The following AGXT2 variants were observed in gnomAD, a reference collection of about 807,000 sequenced individuals.
AGXT2 encodes alanine--glyoxylate aminotransferase 2.
Under a neutral mutation model 62.5 loss-of-function variants are expected in AGXT2, and 61 were observed. The ratio of observed to expected loss-of-function variants is 0.98; its 90% CI spans 0.79 to 1.21. The LOEUF (loss-of-function observed/expected upper bound fraction) is 1.21. Among genes scored for constraint, AGXT2 ranks in the 50% most tolerant of loss-of-function variants. The pLI, the probability that AGXT2 is intolerant of heterozygous loss-of-function variation, is 0.00. For missense variants in AGXT2, 666 were observed against 641.5 expected (o/e 1.04, Z -0.41); for synonymous variants, 243 against 218.7 (o/e 1.11, Z -0.98).
chr5:35,036,210 G>A lies in AGXT2; in HGVS notation c.486+732C>T, dbSNP rs112231715. 3.5e-3 allele frequency among the ~76,000 whole-genome samples: 530 copies of A among 152,296 alleles called. 3 individuals are homozygous for A. Among genetic ancestry groups the A allele is most frequent in the African/African-American group, 0.012 (504 of 41,564 alleles). On this transcript the variant is annotated intron_variant, in intron 4 of 13. Transcript: ENST00000231420. Reference sequence around the variant, plus strand: ...GTGTTCATGACTCTGCTGACTCTCTGCTTCTGCTCTTCTGTGAACATCTGG... The same window carrying A: ...GTGTTCATGACTCTGCTGACTCTCTACTTCTGCTCTTCTGTGAACATCTGG...
chr5:35,046,391 G>A (rs1311977368), intron 1 of AGXT2, among the ~76,000 whole-genome samples: 3 of 152,218 alleles, frequency 2.0e-5, no homozygotes, highest in Admixed American at 6.5e-5. Flanking sequence ...AGAAACTCAT[G>A]ACCAAGGGAA....
At chr5:35,009,847 C>G (rs534642298) in intron 12 of AGXT2, among the ~76,000 whole-genome samples, 153 bp downstream of exon 12, 1 of 152,200 alleles carries the variant, frequency 6.6e-6, no homozygotes, top group Middle Eastern at 3.2e-3. Flanking sequence ...TGTTCATACT[C>G]AACACTCTCT....
chr5:35,009,627 C>T (rs757833061), intron 12 of AGXT2, among the ~76,000 whole-genome samples: 3 of 152,074 alleles, frequency 2.0e-5, no homozygotes, highest in Non-Finnish European at 2.9e-5. Flanking sequence ...TATATTTAAC[C>T]TCCTCACCCC....
At position 35,021,685 on chromosome 5, in the gene AGXT2, G is replaced by T. The variant is rs868782000; in HGVS notation, c.963+4078C>A. ...TGGGCAAGGACTTCATGTCTAAAAC[G>T]CCAAAAGCAATGGCAACAAAAGCCA... On this transcript the variant is annotated intron_variant, in intron 9 of 13. Transcript: ENST00000231420. 2.1e-3 allele frequency among the ~76,000 whole-genome samples: 323 copies of T among 150,888 alleles called. 1 individual carries two copies. The highest frequency in any genetic ancestry group is 3.9e-3 in the Non-Finnish European group (266 of 67,682).
At position 35,039,319 on chromosome 5, in the gene AGXT2, C is replaced by T. The variant is rs777887516; in HGVS notation, c.362+5G>A. The T allele has an allele frequency of 6.2e-7, 1 of 1,613,740 alleles. No individual in the cohort carries two copies. Among genetic ancestry groups the T allele is most frequent in the Non-Finnish European group, 8.5e-7 (1 of 1,179,650 alleles). ...TAAAAATCTCCAGATTTTAAGGATA[C>T]TCACGGGTGGCAATGGCCAACACTG... On this transcript the variant is annotated splice_donor_5th_base_variant and intron_variant, in intron 3 of 13. Coordinates refer to ENST00000231420, the MANE Select transcript of AGXT2 (RefSeq NM_031900.4).
intron 13 of AGXT2, among the ~76,000 whole-genome samples, chr5:35,000,231 G>A (rs1766177619): frequency 1.3e-5 from 1 of 77,148 alleles, no homozygotes; most frequent in Admixed American, 1.6e-4. Flanking sequence ...CTCTGCACTT[G>A]ACTCTTTGGA....
At chr5:35,042,033 G>GA (rs1360680498) in intron 1 of AGXT2, among the ~76,000 whole-genome samples, 6 of 151,954 alleles carry the variant, frequency 3.9e-5, no homozygotes, top group South Asian at 4.2e-4. Context: ...TTCTGAGATG[G>GA]AAAAAAAATT....
intron 13 of AGXT2, among the ~76,000 whole-genome samples, chr5:35,001,089 T>C (rs1229245164): frequency 6.6e-6 from 1 of 152,244 alleles, no homozygotes; most frequent in Non-Finnish European, 1.5e-5. Flanking sequence ...TAAGCTATGA[T>C]GTACAGTTGG....
At chr5:35,013,124 G>A in intron 10 of AGXT2, 79 bp from the exon 11 acceptor site, 2 of 1,225,508 alleles carry the variant, frequency 1.6e-6, no homozygotes, top group Non-Finnish European at 2.4e-6. Flanking sequence ...TTGGACTACA[G>A]TTACTTCGTG....
rs1196388064 is a variant in AGXT2, at chr5:35,045,828, C to T, written c.88+1977G>A. Among the ~76,000 whole-genome samples, 15 of 134,976 alleles carry T rather than the reference C, an allele frequency of 1.1e-4. No individual in the cohort carries two copies. The South Asian group carries it at 1.3e-3, about 11-fold the overall frequency. The allele number at this position is 134,976 out of a possible 152,430, so 88.5% of individuals were successfully genotyped here. On this transcript the variant is annotated intron_variant, in intron 1 of 13. Transcript: ENST00000231420. ...TGTCGCCCAGGCTGGAGTGCAGTGG[C>T]GCAATCTCCGCTCACTGCAAGCTCC...
intron 5 of AGXT2, among the ~76,000 whole-genome samples, chr5:35,033,806 C>T (rs935476355): frequency 1.3e-5 from 2 of 152,112 alleles, no homozygotes; most frequent in Middle Eastern, 3.2e-3. Flanking sequence ...ATCTTAGGAC[C>T]TTCCCTACTC....
Position 34,998,789 on chromosome 5 carries a change from G to T in AGXT2, c.1475C>A (p.Pro492Gln). The change falls in exon 14 of 14, where the codon CCA (proline) becomes CAA (glutamine). Residue 492 changes from proline to glutamine, a missense_variant. Transcript: ENST00000231420. ...RIAPSMCITKPEVDFAVEVFR... is the reference protein window; with the variant it reads ...RIAPSMCITKQEVDFAVEVFR... Reference sequence around the variant, plus strand: ...TACTTCTACTGCAAAATCAACTTCTGGTTTAGTGATGCACATTGAGGGCGC... The same window carrying T: ...TACTTCTACTGCAAAATCAACTTCTTGTTTAGTGATGCACATTGAGGGCGC... 6.2e-7 allele frequency: 1 copy of T among 1,613,880 alleles called. No homozygotes were observed. The highest frequency in any genetic ancestry group is 8.5e-7 in the Non-Finnish European group (1 of 1,179,980).
chr5:35,020,282 T>G (rs1767017873), intron 9 of AGXT2, among the ~76,000 whole-genome samples: 1 of 152,150 alleles, frequency 6.6e-6, no homozygotes, highest in African/African-American at 2.4e-5. Flanking sequence ...AAAGAGAATT[T>G]CAGACCAATA....
chr5:35,025,740 T>C, intron 9 of AGXT2, 23 bp downstream of exon 9: 1 of 1,612,980 alleles, frequency 6.2e-7, no homozygotes, highest in Non-Finnish European at 8.5e-7. Flanking sequence ...CTGCACTCAA[T>C]GGCACCCTTA....
intron 7 of AGXT2, among the ~76,000 whole-genome samples, chr5:35,027,806 T>C (rs13172280): frequency 0.31 from 45,756 of 148,696 alleles, 7,923 homozygotes; most frequent in Non-Finnish European, 0.39. Context: ...AATTATGAGC[T>C]TGAGGAAGTG....
At chr5:35,007,987 C>T (rs1399722779) in intron 12 of AGXT2, among the ~76,000 whole-genome samples, 2 of 152,156 alleles carry the variant, frequency 1.3e-5, no homozygotes, top group African/African-American at 4.8e-5. Flanking sequence ...TCAGTGACCT[C>T]TGCATATGCC....
At chr5:35,010,781 G>T (rs1313262930) in intron 11 of AGXT2, among the ~76,000 whole-genome samples, 1 of 152,176 alleles carries the variant, frequency 6.6e-6, no homozygotes, top group Non-Finnish European at 1.5e-5. Context: ...TTATTGTCAG[G>T]CTTTGCTGAG....
intron 3 of AGXT2, among the ~76,000 whole-genome samples, chr5:35,037,672 C>T (rs1324725115): frequency 6.6e-6 from 1 of 152,210 alleles, no homozygotes; most frequent in East Asian, 1.9e-4. Context: ...CTGTCTCAGC[C>T]TCCTGAGTAG....
At chr5:35,039,963 C>A (rs755457222) in intron 2 of AGXT2, among the ~76,000 whole-genome samples, 19 of 152,064 alleles carry the variant, frequency 1.2e-4, no homozygotes, top group Non-Finnish European at 2.6e-4. Flanking sequence ...CTTTGTGGAT[C>A]CCTCATAAAT....
Sources: gnomAD v4.1 joint callset for allele counts (sites outside exome capture counted in the v4.1 genomes callset) on GRCh38, gnomAD v4.1.1 for gene constraint, MANE v1.5 for transcripts, NCBI Gene and HGNC (gene_info 2026-07-23, HGNC 2026-07-21) for gene names.